RIMBP2: variants seen among roughly 807,000 people sequenced by gnomAD.
RIMBP2 encodes the protein RIMS-binding protein 2.
In RIMBP2, 48 loss-of-function variants were observed where a neutral mutation model predicts 118.6. That is an observed-to-expected ratio of 0.40 (90% CI 0.32 to 0.51). The LOEUF (loss-of-function observed/expected upper bound fraction) is 0.51. RIMBP2 is among the 20% of genes least tolerant of loss of function. The pLI is 0.41. For missense variants in RIMBP2, 1,551 were observed against 1,768.3 expected, an observed-to-expected ratio of 0.88 and a Z score of 2.20; for synonymous variants, 762 against 742.9, an observed-to-expected ratio of 1.03 and a Z score of -0.42.
chr12:130,703,453 C>T lies in RIMBP2; in HGVS notation c.-352+12769G>A, dbSNP rs978371203. ...TCAAACGATCACTGTTTTTTAAAAG[C>T]GTGGCACGGGCACTCCCTCGGCCAC... On this transcript the variant is annotated intron_variant, in intron 1 of 22. Coordinates refer to ENST00000690449, the MANE Select transcript of RIMBP2 (RefSeq NM_001393629.1). This position sits in a 1 kb window ranked among gnomAD's most constrained non-coding sequence, Gnocchi z 5.7. Among the ~76,000 whole-genome samples the T allele has an allele frequency of 2.6e-5, 4 of 152,164 alleles. No individual in the cohort carries two copies. Among genetic ancestry groups the T allele is most frequent in the South Asian group, 4.1e-4 (2 of 4,830 alleles).
intron 14 of RIMBP2, 23 bp from the exon 15 acceptor site, chr12:130,428,360 A>G: frequency 1.3e-6 from 2 of 1,593,490 alleles, no homozygotes; most frequent in East Asian, 4.6e-5. Flanking sequence ...AAAAGGGGCT[A>G]CTGAGCGGGT....
chr12:130,704,536 C>T (rs2066005293), intron 1 of RIMBP2, among the ~76,000 whole-genome samples: 1 of 152,122 alleles, frequency 6.6e-6, no homozygotes, highest in African/African-American at 2.4e-5. Context: ...GATCATGCCA[C>T]TGCACTCCAG....
intron 2 of RIMBP2, among the ~76,000 whole-genome samples, chr12:130,526,817 A>C (rs1368276816): frequency 1.3e-5 from 2 of 152,216 alleles, no homozygotes; most frequent in Non-Finnish European, 2.9e-5. Flanking sequence ...AATCTAAGTC[A>C]ACACTGGAGT....
intron 1 of RIMBP2, among the ~76,000 whole-genome samples, chr12:130,669,857 G>A (rs78058482): frequency 0.017 from 2,538 of 152,230 alleles, 68 homozygotes; most frequent in African/African-American, 0.057. Context: ...AACAAGCACC[G>A]TCTTCAAGTG....
At chr12:130,466,980 TTG>T (rs1201821663) in intron 6 of RIMBP2, among the ~76,000 whole-genome samples, 1 of 152,216 alleles carries the variant, frequency 6.6e-6, no homozygotes, top group Non-Finnish European at 1.5e-5. Flanking sequence ...ATGCAACCCT[TTG>T]TCTCTTCTCT....
rs1047911049 is a variant in RIMBP2 at position 130,424,808 on chromosome 12, C to A, written c.2463G>T (p.Glu821Asp). The change falls in exon 16 of 23, where the codon GAG becomes GAT. Residue 821 changes from glutamate (E) to aspartate (D), a missense_variant. Coordinates refer to ENST00000690449, the MANE Select transcript of RIMBP2 (RefSeq NM_001393629.1). The surrounding 1 kb of genome is among the most constrained non-coding windows in gnomAD (Gnocchi z 9.8). Reference protein sequence around the residue: ...TSEGTFWEQPEFPHQPHRKRL... With the variant: ...TSEGTFWEQPDFPHQPHRKRL... ...TCTTCCTGTGGGGCTGGTGGGGAAA[C>A]TCGGGCTGCTCCCAGAAAGTGCCTT... The A allele has an allele frequency of 4.1e-6, 5 of 1,232,622 alleles. No individual in the cohort carries two copies. The African/African-American group carries it at 7.8e-5, about 19-fold the overall frequency. The allele number at this position is 1,232,622 out of a possible 1,614,324, so 76.4% of individuals were successfully genotyped here.
chr12:130,396,521 G>C lies in RIMBP2; in HGVS notation c.*840C>G, dbSNP rs747857033. On this transcript the variant is annotated 3_prime_UTR_variant, in exon 23 of 23. Coordinates refer to ENST00000690449, the MANE Select transcript of RIMBP2 (RefSeq NM_001393629.1). Reference sequence around the variant, plus strand: ...GCAGATTTAAATTGAGTCTGGTTTTGGTGTGGCTTATGCATTATGTGGATT... The same window carrying C: ...GCAGATTTAAATTGAGTCTGGTTTTCGTGTGGCTTATGCATTATGTGGATT... 3 of 152,616 alleles carry C rather than the reference G, an allele frequency of 2.0e-5. No individual in the cohort carries two copies. Among genetic ancestry groups the C allele is most frequent in the Non-Finnish European group, 4.4e-5 (3 of 68,042 alleles). 9.5% of individuals were successfully genotyped at this position (152,616 alleles called of 1,614,324 possible).
intron 6 of RIMBP2, among the ~76,000 whole-genome samples, chr12:130,461,137 T>G (rs1242110711): frequency 1.3e-5 from 2 of 152,074 alleles, no homozygotes; most frequent in African/African-American, 4.8e-5. Context: ...GAGATGTGGA[T>G]GGGAGGATGC....
intron 2 of RIMBP2, among the ~76,000 whole-genome samples, chr12:130,566,740 T>C (rs1306673973): frequency 3.3e-5 from 5 of 152,238 alleles, no homozygotes; most frequent in Non-Finnish European, 7.3e-5. Context: ...GCTTCTAGGA[T>C]CCTGACCCTC....
At chr12:130,709,807 T>A (rs1478312977) in intron 1 of RIMBP2, among the ~76,000 whole-genome samples, 1 of 151,412 alleles carries the variant, frequency 6.6e-6, no homozygotes, top group Non-Finnish European at 1.5e-5. Flanking sequence ...CCAGGAGCGT[T>A]TAATCAGAGG....
chr12:130,662,553 G>C (rs2063707902), intron 1 of RIMBP2, among the ~76,000 whole-genome samples: 1 of 152,128 alleles, frequency 6.6e-6, no homozygotes, highest in South Asian at 2.1e-4. Flanking sequence ...CTACTTGGGA[G>C]GCTGAGACAG....
At chr12:130,700,921 C>T (rs1048797045) in intron 1 of RIMBP2, among the ~76,000 whole-genome samples, 5 of 152,202 alleles carry the variant, frequency 3.3e-5, no homozygotes, top group Admixed American at 6.5e-5. Flanking sequence ...CCACTGTGTA[C>T]TCTTTGTAAG....
At position 130,591,899 on chromosome 12, in the gene RIMBP2, A is replaced by T. The variant is rs1246613240; in HGVS notation, c.-217+36423T>A. On this transcript the variant is annotated intron_variant, in intron 2 of 22. Transcript: ENST00000690449. ...TTCTGAAACTCAAAGTTAACTGTGC[A>T]TTTGCATCTTATCTGACAGCCTGGA... 1.3e-5 allele frequency among the ~76,000 whole-genome samples: 2 copies of T among 152,328 alleles called. 1 individual carries two copies. The highest frequency in any genetic ancestry group is 1.3e-4 in the Admixed American group (2 of 15,298).
chr12:130,570,374 T>C (rs10773795), intron 2 of RIMBP2, among the ~76,000 whole-genome samples: 133,124 of 152,022 alleles, frequency 0.88, 59,169 homozygotes, highest in East Asian at 0.99. Context: ...TGCAGTGAGC[T>C]GAGATCACAC....
In RIMBP2 at chr12:130,424,268, G is replaced by C. The variant is rs1012192637; in HGVS notation, c.3003C>G (p.His1001Gln). 7 of 1,231,796 alleles carry C rather than the reference G, an allele frequency of 5.7e-6. 1 individual carries two copies. Among genetic ancestry groups the C allele is most frequent in the East Asian group, 3.2e-5 (1 of 31,688 alleles). The allele number at this position is 1,231,796 out of a possible 1,614,324, so 76.3% of individuals were successfully genotyped here. ...PGPERPPPRKHGWGEPTEHQD... is the reference protein window; with the variant it reads ...PGPERPPPRKQGWGEPTEHQD... Reference sequence around the variant, plus strand: ...GGTGCTCGGTGGGCTCGCCCCAGCCGTGCTTCCTGGGGGGCGGCCTCTCCG... The same window carrying C: ...GGTGCTCGGTGGGCTCGCCCCAGCCCTGCTTCCTGGGGGGCGGCCTCTCCG... The change falls in exon 16 of 23, where the codon CAC (histidine) becomes CAG (glutamine). Residue 1001 changes from histidine to glutamine, a missense_variant. By Grantham distance (24) the His-to-Gln change is conservative (BLOSUM62 0). This residue lies in a region of RIMBP2 where 1,038 missense variants were observed against 1,125.1 expected (regional missense o/e 0.92). Coordinates refer to ENST00000690449, the MANE Select transcript of RIMBP2 (RefSeq NM_001393629.1). The surrounding 1 kb of genome is among the most constrained non-coding windows in gnomAD (Gnocchi z 9.8).
intron 2 of RIMBP2, among the ~76,000 whole-genome samples, chr12:130,589,158 T>C (rs567354112): frequency 1.3e-5 from 2 of 152,318 alleles, no homozygotes; most frequent in African/African-American, 2.4e-5. Context: ...AACAATGAAA[T>C]GTAATAATCC....
At chr12:130,657,321 G>A (rs1398604354) in intron 1 of RIMBP2, among the ~76,000 whole-genome samples, 2 of 152,180 alleles carry the variant, frequency 1.3e-5, no homozygotes, top group African/African-American at 4.8e-5. Flanking sequence ...GGTACTGGGA[G>A]TTAGGACTTC....
intron 4 of RIMBP2, among the ~76,000 whole-genome samples, chr12:130,505,411 T>G (rs2050204699): frequency 6.6e-6 from 1 of 151,638 alleles, no homozygotes; most frequent in Non-Finnish European, 1.5e-5. Context: ...CTCAAGAACA[T>G]TTTCATCACT....
intron 2 of RIMBP2, among the ~76,000 whole-genome samples, chr12:130,535,738 CATATATATATATATATATATATATAT>C (rs55887629): frequency 4.2e-4 from 28 of 66,738 alleles, no homozygotes; most frequent in South Asian, 7.7e-4. Flanking sequence ...CATATATATA[CATATATATATATATATATATATATAT>C]ATATATATAT....
Sources: allele counts gnomAD v4.1 joint callset (sites outside exome capture counted in the v4.1 genomes callset), GRCh38; gene constraint gnomAD v4.1.1; regional missense constraint gnomAD v4.1.1; non-coding constraint Gnocchi (gnomAD v3.1); transcripts MANE v1.5; gene names NCBI Gene and HGNC (gene_info 2026-07-23, HGNC 2026-07-21).